TTC28: variants seen among roughly 807,000 people sequenced by gnomAD.
TTC28 encodes tetratricopeptide repeat protein 28.
Under a neutral mutation model 198.0 loss-of-function variants are expected in TTC28, and 61 were observed. The ratio of observed to expected loss-of-function variants is 0.31; its 90% CI spans 0.25 to 0.38. TTC28 has a LOEUF of 0.38. TTC28 is among the 10% of genes least tolerant of loss of function. TTC28 has a pLI of 1.00. For synonymous variants in TTC28, 1,171 were observed against 1,297.8 expected (o/e 0.90, Z 2.10); for missense variants, 2,678 against 3,164.0 (o/e 0.85, Z 3.69).
At chr22:28,556,052 A>T (rs570498980) in intron 2 of TTC28, among the ~76,000 whole-genome samples, 362 of 141,816 alleles carry the variant, frequency 2.6e-3, no homozygotes, top group South Asian at 6.9e-3. Context: ...TTGGTTTATT[A>T]AAAAAAAAAA....
At chr22:28,661,702 A>G (rs1601676045) in intron 1 of TTC28, among the ~76,000 whole-genome samples, 2 of 151,160 alleles carry the variant, frequency 1.3e-5, no homozygotes, top group African/African-American at 4.9e-5. Context: ...TCTGCCTCCC[A>G]GGTTCAAGCA....
At chr22:28,125,188 G>T (rs1942885437) in intron 6 of TTC28, among the ~76,000 whole-genome samples, 1 of 152,088 alleles carries the variant, frequency 6.6e-6, no homozygotes, top group Non-Finnish European at 1.5e-5. Context: ...TACAAAGAAG[G>T]GTCACAACCT....
chr22:28,228,132 T>C (rs921815939), intron 5 of TTC28, among the ~76,000 whole-genome samples: 2 of 152,008 alleles, frequency 1.3e-5, no homozygotes, highest in Admixed American at 6.6e-5. Context: ...TACTGTGTGA[T>C]TCCACTAATA....
At chr22:28,026,664 G>A (rs1938848051) in intron 13 of TTC28, among the ~76,000 whole-genome samples, 1 of 152,136 alleles carries the variant, frequency 6.6e-6, no homozygotes, top group Admixed American at 6.5e-5. Context: ...GGCACTAGAG[G>A]GAAGTTGTCT....
At chr22:28,248,951 C>T (rs970009782) in intron 5 of TTC28, among the ~76,000 whole-genome samples, 2 of 152,158 alleles carry the variant, frequency 1.3e-5, no homozygotes, top group African/African-American at 2.4e-5. Context: ...TAAATACTTA[C>T]TGCACATGTT....
chr22:28,235,498 C>T (rs938482249), intron 5 of TTC28, among the ~76,000 whole-genome samples: 1 of 152,122 alleles, frequency 6.6e-6, no homozygotes, highest in Non-Finnish European at 1.5e-5. Flanking sequence ...TAAATGCAGG[C>T]TTTTAAACTA....
intron 2 of TTC28, among the ~76,000 whole-genome samples, chr22:28,595,932 T>C (rs1306977740): frequency 6.6e-6 from 1 of 151,888 alleles, no homozygotes; most frequent in Non-Finnish European, 1.5e-5. Context: ...CAAAAAATAA[T>C]AATAACATGT....
chr22:28,597,162 T>A (rs979150137), intron 2 of TTC28, among the ~76,000 whole-genome samples: 2 of 152,220 alleles, frequency 1.3e-5, no homozygotes, highest in African/African-American at 4.8e-5. Context: ...TTTTTGTCTT[T>A]AATGTGTTTT....
intron 2 of TTC28, among the ~76,000 whole-genome samples, chr22:28,320,776 G>A (rs1211407366): frequency 6.6e-6 from 1 of 152,158 alleles, no homozygotes; most frequent in African/African-American, 2.4e-5. Flanking sequence ...TATGTTTAGG[G>A]CATTTGGACC....
Position 28,297,705 on chromosome 22 carries a change from C to T in TTC28, c.677G>A (p.Gly226Asp). The T allele has an allele frequency of 6.4e-7, 1 of 1,551,662 alleles. No homozygotes were observed. The change falls in exon 4 of 23, where the codon GGC becomes GAC. Residue 226 changes from glycine to aspartate, a missense_variant. Physicochemically the swap from Gly to Asp is moderately conservative, Grantham distance 94 (BLOSUM62 -1). This residue lies in a region of TTC28 where 36 missense variants were observed against 78.7 expected (regional missense o/e 0.46). Transcript: ENST00000397906. ...VVVLEAALKI[G>D]TCSLKLRGSV... The stretch of plus-strand genomic sequence containing the variant: ...ACCTCTCAGTTTGAGGCTGCAGGTG[C>T]CAATCTTCAGTGCGGCTTCTAAGAC...
At chr22:28,581,097 G>A (rs1411514506) in intron 2 of TTC28, among the ~76,000 whole-genome samples, 6 of 152,182 alleles carry the variant, frequency 3.9e-5, no homozygotes, top group East Asian at 3.9e-4. Flanking sequence ...TTAAGAGGAC[G>A]GTCCTCATGC....
At chr22:28,339,637 A>G (rs1261938407) in intron 2 of TTC28, among the ~76,000 whole-genome samples, 1 of 152,118 alleles carries the variant, frequency 6.6e-6, no homozygotes, top group Non-Finnish European at 1.5e-5. Context: ...GTTTGATCTC[A>G]GACTGCTGTG....
intron 17 of TTC28, among the ~76,000 whole-genome samples, chr22:27,994,022 G>A (rs1033778676): frequency 1.3e-5 from 2 of 152,188 alleles, no homozygotes; most frequent in Non-Finnish European, 2.9e-5. Context: ...TCCCTCCACC[G>A]GGAAGTGCCC....
intron 2 of TTC28, among the ~76,000 whole-genome samples, chr22:28,337,179 G>A (rs565094079): frequency 9.5e-4 from 144 of 152,274 alleles, no homozygotes; most frequent in African/African-American, 3.2e-3. Context: ...CTGAGATCTA[G>A]TTTGATTGCA....
At chr22:28,534,847 G>C (rs2049231428) in intron 2 of TTC28, among the ~76,000 whole-genome samples, 1 of 151,950 alleles carries the variant, frequency 6.6e-6, no homozygotes, top group South Asian at 2.1e-4. Context: ...TCACTAATAG[G>C]TGGGAATTGA....
chr22:28,676,235 G>A (rs1307560941), intron 1 of TTC28, among the ~76,000 whole-genome samples: 1 of 152,168 alleles, frequency 6.6e-6, no homozygotes, highest in Non-Finnish European at 1.5e-5. Flanking sequence ...AAAACACTGT[G>A]CCACGTGAAA....
chr22:28,221,587 C>A, intron 5 of TTC28, among the ~76,000 whole-genome samples: 1 of 152,190 alleles, frequency 6.6e-6, no homozygotes, highest in East Asian at 1.9e-4. Context: ...GTCTGCCCAT[C>A]TAGTCTTGTC....
chr22:28,114,469 T>C (rs1383609189), intron 6 of TTC28, among the ~76,000 whole-genome samples: 1 of 152,166 alleles, frequency 6.6e-6, no homozygotes, highest in Non-Finnish European at 1.5e-5. Flanking sequence ...GTGTTAGAAA[T>C]GCAACCAATT....
chr22:28,624,177 A>C (rs1294344779), intron 2 of TTC28, among the ~76,000 whole-genome samples: 3 of 152,088 alleles, frequency 2.0e-5, no homozygotes, highest in Admixed American at 2.0e-4. Context: ...AATATCAAGA[A>C]TGCATGCTGG....
Sources: allele counts gnomAD v4.1 joint callset (sites outside exome capture counted in the v4.1 genomes callset), GRCh38; gene constraint gnomAD v4.1.1; regional missense constraint gnomAD v4.1.1; transcripts MANE v1.5; gene names NCBI Gene and HGNC (gene_info 2026-07-23, HGNC 2026-07-21).